Variants in CSMD1 observed in about 807,000 individuals in gnomAD.
CSMD1 encodes the protein CUB and Sushi multiple domains 1.
A neutral mutation model predicts 417.5 loss-of-function variants in CSMD1; 213 were observed. The ratio of observed to expected loss-of-function variants is 0.51; its 90% CI spans 0.46 to 0.57. The LOEUF is 0.57. Among genes scored for constraint, CSMD1 ranks in the 20% least tolerant of loss-of-function variants. The probability of loss-of-function intolerance (pLI) is 0.00; values close to 1 mark genes in which losing one functional copy is unlikely to be tolerated. For synonymous variants in CSMD1, 2,862 were observed against 1,736.8 expected, an observed-to-expected ratio of 1.65 and a Z score of -16.11; for missense variants, 6,923 against 4,529.7, an observed-to-expected ratio of 1.53 and a Z score of -15.17.
At chr8:4,597,195 A>G (rs1800331650) in intron 2 of CSMD1, among the ~76,000 whole-genome samples, 1 of 152,178 alleles carries the variant, frequency 6.6e-6, no homozygotes, top group East Asian at 1.9e-4. Context: ...TGTGATGCTG[A>G]TTGAATGAAA....
rs182148121 is a variant in CSMD1 at position 3,452,819 on chromosome 8, A to C, written c.1561+15893T>G. Among the ~76,000 whole-genome samples the C allele has an allele frequency of 5.7e-4, 87 of 152,212 alleles. 1 individual carries two copies. In the East Asian group the frequency reaches 0.015, roughly 26 times the overall value. Reference sequence around the variant, plus strand: ...TCTGCCAGGCTTTGGTATCAGGATGATGTTGGCCTCATAAAATGAGTTAGG... The same window carrying C: ...TCTGCCAGGCTTTGGTATCAGGATGCTGTTGGCCTCATAAAATGAGTTAGG... On this transcript the variant is annotated intron_variant, in intron 12 of 69. Coordinates refer to ENST00000635120, the MANE Select transcript of CSMD1 (RefSeq NM_033225.6).
chr8:4,349,386 T>C (rs946854291), intron 3 of CSMD1, among the ~76,000 whole-genome samples: 8 of 152,170 alleles, frequency 5.3e-5, no homozygotes, highest in African/African-American at 1.9e-4. Context: ...CATCCTTTTG[T>C]GGTAGGCAGA....
chr8:4,037,913 G>A (rs1377905242), intron 3 of CSMD1, among the ~76,000 whole-genome samples: 1 of 151,922 alleles, frequency 6.6e-6, no homozygotes, highest in Admixed American at 6.6e-5. Flanking sequence ...TAAGCTTAGT[G>A]GGAATAGGAA....
At chr8:4,429,090 T>C (rs375597156) in intron 2 of CSMD1, among the ~76,000 whole-genome samples, 66 of 152,048 alleles carry the variant, frequency 4.3e-4, no homozygotes, top group African/African-American at 1.2e-3. Flanking sequence ...TATATGTCCA[T>C]CATAAAATGA....
intron 6 of CSMD1, among the ~76,000 whole-genome samples, chr8:3,717,841 C>T (rs1801930919): frequency 6.6e-6 from 1 of 152,088 alleles, no homozygotes; most frequent in South Asian, 2.1e-4. Flanking sequence ...GTTTTTCTCA[C>T]TTACTACAAT....
At position 4,375,918 on chromosome 8, in the gene CSMD1, C is replaced by T. The variant is rs555315086; in HGVS notation, c.415+44035G>A. 3.9e-5 allele frequency among the ~76,000 whole-genome samples: 6 copies of T among 152,328 alleles called. No homozygotes were observed. In the East Asian group the frequency reaches 9.6e-4, roughly 24 times the overall value. On this transcript the variant is annotated intron_variant, in intron 3 of 69. Coordinates refer to ENST00000635120, the MANE Select transcript of CSMD1 (RefSeq NM_033225.6). ...TGCCTTCAGGATACGGCCACCACCT[C>T]CTGCTCTTAGATGTGCAGAGAGTTT...
chr8:4,804,430 T>G (rs574598051), intron 1 of CSMD1, among the ~76,000 whole-genome samples: 16 of 152,202 alleles, frequency 1.1e-4, no homozygotes, highest in Non-Finnish European at 1.5e-4. Context: ...CTGAATAAAT[T>G]GCCAGTCATA....
intron 1 of CSMD1, among the ~76,000 whole-genome samples, chr8:4,965,658 A>G (rs1195208060): frequency 6.6e-6 from 1 of 152,214 alleles, no homozygotes; most frequent in African/African-American, 2.4e-5. Flanking sequence ...GAATGAAAGT[A>G]CATGCTCTTA....
intron 1 of CSMD1, among the ~76,000 whole-genome samples, chr8:4,731,920 T>C (rs1048943243): frequency 1.5e-4 from 23 of 152,058 alleles, no homozygotes; most frequent in African/African-American, 5.3e-4. Flanking sequence ...GGGCCAAAGA[T>C]AAAAATAATA....
rs541688572 is a variant in CSMD1 at position 4,655,088 on chromosome 8, C to T, written c.86-17530G>A. ...AAATCATTTGTCCATCAAAGGAGACCTATTAATTTACCTATATTACTAATT... is the reference window on the plus strand; with the variant it reads ...AAATCATTTGTCCATCAAAGGAGACTTATTAATTTACCTATATTACTAATT... On this transcript the variant is annotated intron_variant, in intron 1 of 69. Coordinates refer to ENST00000635120, the MANE Select transcript of CSMD1 (RefSeq NM_033225.6). Among the ~76,000 whole-genome samples, 83 of 151,336 alleles carry T rather than the reference C, an allele frequency of 5.5e-4. 2 individuals are homozygous for T. The highest frequency in any genetic ancestry group is 1.8e-3 in the African/African-American group (76 of 41,244).
chr8:3,657,195 T>G (rs1798173760), intron 7 of CSMD1, among the ~76,000 whole-genome samples: 1 of 152,234 alleles, frequency 6.6e-6, no homozygotes. Context: ...CTGCAGGATC[T>G]ATGTTTACAT....
chr8:4,305,843 T>G (rs145034152), intron 3 of CSMD1, among the ~76,000 whole-genome samples: 182 of 152,322 alleles, frequency 1.2e-3, no homozygotes, highest in African/African-American at 4.3e-3. Context: ...CTTGCCGATC[T>G]TGTATGGATC....
At chr8:4,030,865 A>C (rs532623896) in intron 4 of CSMD1, among the ~76,000 whole-genome samples, 2 of 152,188 alleles carry the variant, frequency 1.3e-5, no homozygotes, top group Non-Finnish European at 2.9e-5. Flanking sequence ...TTATTCCTCC[A>C]GATACCCCAA....
intron 2 of CSMD1, among the ~76,000 whole-genome samples, chr8:4,491,768 G>A (rs140089064): frequency 6.6e-6 from 1 of 152,248 alleles, no homozygotes; most frequent in African/African-American, 2.4e-5. Flanking sequence ...ACTCACTGCT[G>A]GTGGGAACGC....
intron 2 of CSMD1, among the ~76,000 whole-genome samples, chr8:4,625,152 G>A (rs777107250): frequency 1.6e-4 from 25 of 152,156 alleles, no homozygotes; most frequent in Non-Finnish European, 3.7e-4. Flanking sequence ...GGGAAAATAC[G>A]AGGACGGGAA....
chr8:3,987,388 A>G (rs569964712), intron 5 of CSMD1, among the ~76,000 whole-genome samples: 16 of 152,320 alleles, frequency 1.1e-4, no homozygotes, highest in African/African-American at 3.4e-4. Context: ...ATATGCCATG[A>G]TAACGACTAA....
At chr8:4,981,325 C>T (rs1810877331) in intron 1 of CSMD1, among the ~76,000 whole-genome samples, 1 of 152,196 alleles carries the variant, frequency 6.6e-6, no homozygotes, top group African/African-American at 2.4e-5. Flanking sequence ...CCTACTGGAG[C>T]AGGATGTATT....
At chr8:4,067,406 A>C (rs1209637015) in intron 3 of CSMD1, among the ~76,000 whole-genome samples, 1 of 152,210 alleles carries the variant, frequency 6.6e-6, no homozygotes, top group African/African-American at 2.4e-5. Context: ...AGTATTTCCT[A>C]GACTAATGAA....
chr8:4,084,678 A>G (rs964627789), intron 3 of CSMD1, among the ~76,000 whole-genome samples: 2 of 152,052 alleles, frequency 1.3e-5, no homozygotes, highest in African/African-American at 2.4e-5. Context: ...TAGGGAAAGC[A>G]CTAGCAATAG....
Sources: allele counts gnomAD v4.1 joint callset (sites outside exome capture counted in the v4.1 genomes callset), GRCh38; gene constraint gnomAD v4.1.1; transcripts MANE v1.5; gene names NCBI Gene and HGNC (gene_info 2026-07-23, HGNC 2026-07-21).